TPRG1: variants seen among roughly 807,000 people sequenced by gnomAD.
The protein encoded by TPRG1 is tumor protein p63 regulated 1, also known as tumor protein p63-regulated gene 1 protein.
Under a neutral mutation model 29.3 loss-of-function variants are expected in TPRG1, and 29 were observed. The ratio of observed to expected loss-of-function variants is 0.99; its 90% CI spans 0.74 to 1.35. The LOEUF (loss-of-function observed/expected upper bound fraction) is 1.35. TPRG1 is among the 40% of genes most tolerant of loss of function. The pLI, the probability that TPRG1 is intolerant of heterozygous loss-of-function variation, is 0.00. For synonymous variants in TPRG1, 130 were observed against 116.8 expected (o/e 1.11, Z -0.73); for missense variants, 327 against 335.0 (o/e 0.98, Z 0.19).
intron 2 of TPRG1, among the ~76,000 whole-genome samples, chr3:189,214,401 G>A (rs1578857586): frequency 1.3e-5 from 2 of 152,330 alleles, no homozygotes; most frequent in South Asian, 4.1e-4. Context: ...GACTGGAAGA[G>A]TCAGACTGCA....
chr3:189,055,931 G>A (rs930369012), intron 4 of TPRG1, among the ~76,000 whole-genome samples: 10 of 151,792 alleles, frequency 6.6e-5, no homozygotes, highest in African/African-American at 2.4e-4. Flanking sequence ...TCTTCTGCCT[G>A]CAGTGGCCCT....
chr3:189,274,935 AGTGTGTGT>A (rs57386934), intron 4 of TPRG1, among the ~76,000 whole-genome samples: 5,041 of 137,696 alleles, frequency 0.037, 125 homozygotes, highest in Non-Finnish European at 0.047. Context: ...TAATGTAATG[AGTGTGTGT>A]GTGTGTGTGT....
At chr3:189,077,541 A>G (rs1264886938) in intron 4 of TPRG1, among the ~76,000 whole-genome samples, 3 of 152,152 alleles carry the variant, frequency 2.0e-5, no homozygotes, top group African/African-American at 7.2e-5. Context: ...AAGATATTCA[A>G]TATTTTGTTG....
At chr3:189,299,325 C>T (rs2109254337) in intron 4 of TPRG1, among the ~76,000 whole-genome samples, 1 of 152,236 alleles carries the variant, frequency 6.6e-6, no homozygotes, top group South Asian at 2.1e-4. Context: ...GCACGGAAAG[C>T]CTTCAATATA....
At chr3:189,110,001 T>C (rs932903679) in intron 1 of TPRG1, among the ~76,000 whole-genome samples, 1 of 152,208 alleles carries the variant, frequency 6.6e-6, no homozygotes, top group Non-Finnish European at 1.5e-5. Flanking sequence ...TTTTTATTCC[T>C]GAGTAGTATT....
intron 3 of TPRG1, among the ~76,000 whole-genome samples, chr3:189,233,189 T>C (rs948205969): frequency 6.6e-6 from 1 of 152,054 alleles, no homozygotes; most frequent in East Asian, 1.9e-4. Context: ...TGTGTGTGTG[T>C]GTGTGTGTTT....
At chr3:189,063,538 A>T (rs752262734) in intron 4 of TPRG1, among the ~76,000 whole-genome samples, 4 of 152,174 alleles carry the variant, frequency 2.6e-5, no homozygotes, top group African/African-American at 9.6e-5. Flanking sequence ...CAACAAATTT[A>T]TAAGAACTGA....
At chr3:189,204,096 C>G (rs1733947459) in intron 1 of TPRG1, among the ~76,000 whole-genome samples, 1 of 151,076 alleles carries the variant, frequency 6.6e-6, no homozygotes, top group African/African-American at 2.4e-5. Flanking sequence ...AGTTTTGACC[C>G]TTTGTTTTCC....
chr3:189,320,929 G>C lies in TPRG1; in HGVS notation c.*109G>C. On this transcript the variant is annotated 3_prime_UTR_variant, in exon 6 of 6. Transcript: ENST00000345063. ...AAACAATTAATTATTTTTAAATGAC[G>C]CTTTATGATTTAGAAATTTAGTATT... is the stretch of plus-strand genomic sequence containing the variant. 1 of 1,039,394 alleles carries C rather than the reference G, an allele frequency of 9.6e-7. No homozygotes were observed. The highest frequency in any genetic ancestry group is 1.3e-6 in the Non-Finnish European group (1 of 753,474). 64.4% of individuals were successfully genotyped at this position (1,039,394 alleles called of 1,614,324 possible). A position where few individuals can be genotyped will look rare whatever the true frequency, so the allele number is the denominator to read the frequency against.
chr3:189,162,402 T>C (rs1727608769), intron 5 of TPRG1, among the ~76,000 whole-genome samples: 1 of 152,098 alleles, frequency 6.6e-6, no homozygotes, highest in African/African-American at 2.4e-5. Flanking sequence ...AAAGAAACGA[T>C]GGGGAATAAG....
chr3:189,263,338 A>G (rs1268697397), intron 4 of TPRG1, among the ~76,000 whole-genome samples: 2 of 152,218 alleles, frequency 1.3e-5, no homozygotes, highest in Non-Finnish European at 2.9e-5. Context: ...TGAATGTTTC[A>G]GGGAGAGAGA....
At chr3:189,167,175 G>A (rs377406067), upstream of TPRG1, among the ~76,000 whole-genome samples, 174 of 152,214 alleles carry the variant, frequency 1.1e-3, no homozygotes, top group Non-Finnish European at 2.0e-3. Flanking sequence ...CCACTCCAGC[G>A]TAACCCACAC....
In TPRG1 at chr3:189,320,539, A is replaced by G. The variant is rs141477466; in HGVS notation, c.634-87A>G. On this transcript the variant is annotated intron_variant, in intron 5 of 5. Transcript: ENST00000345063. ...AACTGCAGCCCCAGGAGAGTAGTCA[A>G]CTTCTGTGAAGACTGGCTGGGGAGA... 35 of 1,187,064 alleles carry G rather than the reference A, an allele frequency of 2.9e-5. No homozygotes were observed. In the African/African-American group the frequency reaches 5.0e-4, roughly 17 times the overall value. 73.5% of individuals were successfully genotyped at this position (1,187,064 alleles called of 1,614,324 possible).
chr3:189,098,194 G>T (rs915599754), upstream of TPRG1, among the ~76,000 whole-genome samples: 2 of 151,842 alleles, frequency 1.3e-5, no homozygotes, highest in Non-Finnish European at 2.9e-5. Context: ...AAGTACTAGA[G>T]GAAACAATGT....
intron 3 of TPRG1, chr3:189,218,078 T>C (rs1490886126): frequency 2.1e-6 from 2 of 964,208 alleles, no homozygotes; most frequent in African/African-American, 3.5e-5. Flanking sequence ...AGCTGTAATA[T>C]GGACCAACTA....
At position 189,206,872 on chromosome 3, in the gene TPRG1, C is replaced by T. The variant is rs1032457613; in HGVS notation, c.-9-504C>T. On this transcript the variant is annotated intron_variant, in intron 1 of 5. Transcript: ENST00000345063. ...GCGTGTGTGTGAGTCTTTGGGTATT[C>T]GTCTAATTATTTTCTTAGAATAAAT... 5.4e-5 allele frequency among the ~76,000 whole-genome samples: 8 copies of T among 149,094 alleles called. No homozygotes were observed. The East Asian group carries it at 5.9e-4, about 11-fold the overall frequency.
intron 3 of TPRG1, among the ~76,000 whole-genome samples, chr3:189,234,734 A>G (rs982683739): frequency 6.6e-6 from 1 of 152,192 alleles, no homozygotes; most frequent in African/African-American, 2.4e-5. Flanking sequence ...CTAAGAACTG[A>G]ATTTGTATTT....
chr3:189,224,231 C>A (rs1737349299), intron 3 of TPRG1, among the ~76,000 whole-genome samples: 1 of 152,188 alleles, frequency 6.6e-6, no homozygotes, highest in African/African-American at 2.4e-5. Context: ...GCCTGTAATC[C>A]CAGCACTTTG....
chr3:189,161,963 A>T (rs1366632118), intron 5 of TPRG1, among the ~76,000 whole-genome samples: 1 of 152,060 alleles, frequency 6.6e-6, no homozygotes, highest in Admixed American at 6.6e-5. Flanking sequence ...ATGTGGGGTG[A>T]TGGGGAAGGA....
Sources: allele counts gnomAD v4.1 joint callset (sites outside exome capture counted in the v4.1 genomes callset), GRCh38; gene constraint gnomAD v4.1.1; transcripts MANE v1.5; gene names NCBI Gene and HGNC (gene_info 2026-07-23, HGNC 2026-07-21).